GRIN2B: variants seen among roughly 807,000 people sequenced by gnomAD.
The protein encoded by GRIN2B is glutamate receptor ionotropic, NMDA 2B.
A neutral mutation model predicts 114.5 loss-of-function variants in GRIN2B; 5 were observed. That is an observed-to-expected ratio of 0.04 (90% confidence interval 0.02 to 0.09). The LOEUF (loss-of-function observed/expected upper bound fraction) is 0.09, where lower values mean the gene tolerates loss of function less well. GRIN2B is among the 10% of genes least tolerant of loss of function. The pLI is 1.00. For synonymous variants in GRIN2B, 787 were observed against 745.1 expected (o/e 1.06, Z -0.92); for missense variants, 1,108 against 1,943.5 (o/e 0.57, Z 8.08).
chr12:13,733,112 A>C (rs1863113896), intron 4 of GRIN2B, among the ~76,000 whole-genome samples: 1 of 152,180 alleles, frequency 6.6e-6, no homozygotes, highest in African/African-American at 2.4e-5. Flanking sequence ...AAGAATAAAA[A>C]ATAACTTGTG....
At chr12:13,769,170 C>T (rs777577193) in intron 3 of GRIN2B, among the ~76,000 whole-genome samples, 3 of 152,156 alleles carry the variant, frequency 2.0e-5, no homozygotes, top group East Asian at 1.9e-4. Context: ...GCCTCCATGA[C>T]GTTTACCTTG....
intron 3 of GRIN2B, among the ~76,000 whole-genome samples, chr12:13,859,683 C>A (rs1591771093): frequency 1.3e-5 from 2 of 152,106 alleles, no homozygotes; most frequent in East Asian, 1.9e-4. Flanking sequence ...AGATTTCAGT[C>A]CCACTATTGT....
At chr12:13,729,456 T>C (rs981071998) in intron 4 of GRIN2B, among the ~76,000 whole-genome samples, 2 of 152,168 alleles carry the variant, frequency 1.3e-5, no homozygotes, top group Middle Eastern at 3.4e-3. Context: ...CCAGGTTAAG[T>C]CTTGGGCTGG....
chr12:13,767,395 T>G (rs1264783080), intron 3 of GRIN2B, among the ~76,000 whole-genome samples: 2 of 152,120 alleles, frequency 1.3e-5, no homozygotes, highest in Non-Finnish European at 2.9e-5. Context: ...ACTGCCTCCA[T>G]GTCTGTTAAA....
intron 3 of GRIN2B, among the ~76,000 whole-genome samples, chr12:13,828,360 T>C (rs1591754997): frequency 1.3e-5 from 2 of 152,352 alleles, no homozygotes; most frequent in East Asian, 3.9e-4. Context: ...GGAATTGTTC[T>C]TCTTATGGCT....
At chr12:13,699,819 C>T (rs1950294025) in intron 4 of GRIN2B, among the ~76,000 whole-genome samples, 1 of 151,592 alleles carries the variant, frequency 6.6e-6, no homozygotes, top group Admixed American at 6.6e-5. Flanking sequence ...GAACTCCTGA[C>T]CTTGTGATCC....
chr12:13,788,260 A>C (rs1360285421), intron 3 of GRIN2B, among the ~76,000 whole-genome samples: 1 of 152,206 alleles, frequency 6.6e-6, no homozygotes, highest in Non-Finnish European at 1.5e-5. Context: ...GCGGGGACAG[A>C]ACTGGACTCT....
At chr12:13,742,533 T>C (rs1309852433) in intron 4 of GRIN2B, among the ~76,000 whole-genome samples, 1 of 152,090 alleles carries the variant, frequency 6.6e-6, no homozygotes, top group Non-Finnish European at 1.5e-5. Flanking sequence ...CAGGTTCAAG[T>C]GATTCTCTTA....
chr12:13,819,449 C>T (rs1471802244), intron 3 of GRIN2B, among the ~76,000 whole-genome samples: 1 of 152,166 alleles, frequency 6.6e-6, no homozygotes, highest in Non-Finnish European at 1.5e-5. Context: ...TGTCCAAAAA[C>T]CCTTACTAAT....
chr12:13,849,089 G>A (rs539205931), intron 3 of GRIN2B, among the ~76,000 whole-genome samples: 1 of 152,268 alleles, frequency 6.6e-6, no homozygotes, highest in Admixed American at 6.5e-5. Context: ...GAGAACAACA[G>A]TGATGAGAGA....
At chr12:13,912,824 G>A (rs1460226983) in intron 2 of GRIN2B, among the ~76,000 whole-genome samples, 1 of 152,068 alleles carries the variant, frequency 6.6e-6, no homozygotes, top group African/African-American at 2.4e-5. Flanking sequence ...GCCTCCCAAT[G>A]GGAAAAACCA....
intron 2 of GRIN2B, among the ~76,000 whole-genome samples, chr12:13,916,762 T>TG (rs1555156768): frequency 6.7e-6 from 1 of 149,658 alleles, no homozygotes; most frequent in Non-Finnish European, 1.5e-5. Flanking sequence ...TGTGTGTGTA[T>TG]TTTAATCCTC....
intron 3 of GRIN2B, among the ~76,000 whole-genome samples, chr12:13,816,608 C>T (rs1269444288): frequency 1.3e-5 from 2 of 152,124 alleles, no homozygotes; most frequent in Non-Finnish European, 2.9e-5. Flanking sequence ...ATGGAAACAG[C>T]TCTCTGTGAC....
At chr12:13,766,768 A>T (rs1863798056) in intron 3 of GRIN2B, among the ~76,000 whole-genome samples, 1 of 152,206 alleles carries the variant, frequency 6.6e-6, no homozygotes, top group Admixed American at 6.5e-5. Flanking sequence ...TCTTCAGAAA[A>T]GCTGGGGGAA....
At chr12:13,585,495 T>C (rs2136432519) in intron 10 of GRIN2B, among the ~76,000 whole-genome samples, 1 of 152,294 alleles carries the variant, frequency 6.6e-6, no homozygotes, top group East Asian at 1.9e-4. Context: ...CTCCGGTTTA[T>C]GGAATGTTAG....
chr12:13,754,286 T>A (rs886499059), intron 3 of GRIN2B, among the ~76,000 whole-genome samples: 18 of 152,188 alleles, frequency 1.2e-4, no homozygotes, highest in Non-Finnish European at 2.6e-4. Flanking sequence ...AACGGCCTCA[T>A]GTCAGTTCAG....
At position 13,783,082 on chromosome 12, in the gene GRIN2B, C is replaced by T. The variant is rs901622463; in HGVS notation, c.412-29167G>A. On this transcript the variant is annotated intron_variant, in intron 3 of 13. Coordinates refer to ENST00000609686, the MANE Select transcript of GRIN2B (RefSeq NM_000834.5). ...GTATTAAAAAACTATAATTTATACA[C>T]TTAATGTCAAATTTAAATAATATAA... 2.6e-5 allele frequency among the ~76,000 whole-genome samples: 4 copies of T among 152,142 alleles called. 1 individual carries two copies. Among genetic ancestry groups the T allele is most frequent in the Admixed American group, 2.0e-4 (3 of 15,268 alleles).
chr12:13,797,818 G>C (rs963871800), intron 3 of GRIN2B, among the ~76,000 whole-genome samples: 3 of 152,160 alleles, frequency 2.0e-5, no homozygotes, highest in African/African-American at 4.8e-5. Context: ...TGGTTCAGCT[G>C]TTCTCCCTCA....
intron 3 of GRIN2B, among the ~76,000 whole-genome samples, chr12:13,801,664 A>G (rs1014244577): frequency 1.3e-5 from 2 of 152,310 alleles, no homozygotes; most frequent in Admixed American, 1.3e-4. Flanking sequence ...GAAATCAGAC[A>G]TAACGATCCT....
Sources: gnomAD v4.1 joint callset for allele counts (sites outside exome capture counted in the v4.1 genomes callset) on GRCh38, gnomAD v4.1.1 for gene constraint, MANE v1.5 for transcripts, NCBI Gene and HGNC (gene_info 2026-07-23, HGNC 2026-07-21) for gene names.